The following PCSK5 variants were observed in gnomAD, a reference collection of about 807,000 sequenced individuals.
PCSK5 encodes prohormone convertase 5.
A neutral mutation model predicts 233.2 loss-of-function variants in PCSK5; 129 were observed. The ratio of observed to expected loss-of-function variants is 0.55; its 90% confidence interval spans 0.48 to 0.64. The LOEUF (loss-of-function observed/expected upper bound fraction) is 0.64, where lower values mean the gene tolerates loss of function less well. Among genes scored for constraint, PCSK5 ranks in the 30% least tolerant of loss-of-function variants. The pLI, the probability that PCSK5 is intolerant of heterozygous loss-of-function variation, is 0.00. For missense variants in PCSK5, 2,076 were observed against 2,430.1 expected (o/e 0.85, Z 3.06); for synonymous variants, 825 against 879.2 (o/e 0.94, Z 1.09).
chr9:76,171,125 C>T (rs1823314354), intron 13 of PCSK5, among the ~76,000 whole-genome samples: 2 of 152,278 alleles, frequency 1.3e-5, no homozygotes, highest in South Asian at 4.1e-4. Context: ...GTCAATAAGG[C>T]AGGATTGATA....
In PCSK5 at chr9:76,026,951, G is replaced by A; in HGVS notation, c.556-10G>A. 6.3e-7 allele frequency: 1 copy of A among 1,599,492 alleles called. No homozygotes were observed. The highest frequency in any genetic ancestry group is 2.2e-5 in the East Asian group (1 of 44,554). Reference sequence around the variant, plus strand: ...TTTCCTTTCCCTTGCTCTCTCCTCTGTGGCCATAGGATGCTCTGGCAAGTT... The same window carrying A: ...TTTCCTTTCCCTTGCTCTCTCCTCTATGGCCATAGGATGCTCTGGCAAGTT... On this transcript the variant is annotated splice_polypyrimidine_tract_variant and intron_variant, in intron 4 of 37. Coordinates refer to ENST00000674117, the MANE Select transcript of PCSK5 (RefSeq NM_001372043.1).
chr9:76,168,866 C>T (rs1013994673), intron 12 of PCSK5, among the ~76,000 whole-genome samples: 4 of 152,194 alleles, frequency 2.6e-5, no homozygotes, highest in African/African-American at 7.2e-5. Context: ...TGCCTCTTTT[C>T]CTCACTCCTC....
chr9:76,068,137 A>T, intron 6 of PCSK5, 94 bp downstream of exon 6: 1 of 836,216 alleles, frequency 1.2e-6, no homozygotes, highest in Non-Finnish European at 2.0e-6. Context: ...AGGTTAAACG[A>T]TTGGGCATAT....
chr9:75,960,571 C>G (rs757096426), intron 2 of PCSK5, among the ~76,000 whole-genome samples: 2 of 152,204 alleles, frequency 1.3e-5, no homozygotes, highest in Non-Finnish European at 2.9e-5. Flanking sequence ...AAATTTAAGA[C>G]GCCAAAGATT....
At chr9:75,962,707 A>G (rs1310598607) in intron 2 of PCSK5, among the ~76,000 whole-genome samples, 2 of 152,204 alleles carry the variant, frequency 1.3e-5, no homozygotes, top group African/African-American at 4.8e-5. Flanking sequence ...TGATGGGCAC[A>G]CATAATTTGG....
At chr9:76,293,811 G>A (rs988957072) in intron 25 of PCSK5, among the ~76,000 whole-genome samples, 4 of 152,152 alleles carry the variant, frequency 2.6e-5, no homozygotes, top group Non-Finnish European at 5.9e-5. Context: ...TATCACTAAG[G>A]GTACAACATG....
intron 10 of PCSK5, among the ~76,000 whole-genome samples, chr9:76,154,819 C>T (rs1823820967): frequency 6.6e-6 from 1 of 151,794 alleles, no homozygotes; most frequent in Non-Finnish European, 1.5e-5. Flanking sequence ...CATAATGATT[C>T]TCATGAACTT....
intron 5 of PCSK5, among the ~76,000 whole-genome samples, chr9:76,064,205 C>T (rs1447567147): frequency 2.1e-3 from 231 of 109,502 alleles, no homozygotes; most frequent in African/African-American, 3.7e-3. Flanking sequence ...ACCTCCCTCC[C>T]GGACGGGGCG....
At chr9:76,036,499 C>T (rs1005338147) in intron 5 of PCSK5, among the ~76,000 whole-genome samples, 47 of 152,170 alleles carry the variant, frequency 3.1e-4, no homozygotes, top group Admixed American at 1.2e-3. Context: ...ATGTCTGTGA[C>T]GTTGGAGAAG....
intron 14 of PCSK5, among the ~76,000 whole-genome samples, chr9:76,177,264 A>G (rs1823654409): frequency 6.6e-6 from 1 of 152,176 alleles, no homozygotes; most frequent in African/African-American, 2.4e-5. Context: ...ACTTCACTCC[A>G]GCCTGGGAAC....
intron 3 of PCSK5, among the ~76,000 whole-genome samples, chr9:75,993,734 G>A (rs1231469116): frequency 6.6e-6 from 1 of 152,200 alleles, no homozygotes; most frequent in Non-Finnish European, 1.5e-5. Flanking sequence ...ATGGGGCGAA[G>A]TCTGGAGGAA....
At chr9:76,069,567 A>G (rs1340667500) in intron 6 of PCSK5, among the ~76,000 whole-genome samples, 3 of 152,282 alleles carry the variant, frequency 2.0e-5, no homozygotes, top group South Asian at 2.1e-4. Flanking sequence ...TTGGAGTTAA[A>G]TGAGGAAAAA....
chr9:76,285,354 C>A (rs1828030957), intron 24 of PCSK5, among the ~76,000 whole-genome samples: 1 of 152,152 alleles, frequency 6.6e-6, no homozygotes, highest in Non-Finnish European at 1.5e-5. Context: ...GGAACATTTG[C>A]AGATGTAGCC....
chr9:76,021,051 T>C (rs758641558), intron 3 of PCSK5, among the ~76,000 whole-genome samples: 2 of 152,240 alleles, frequency 1.3e-5, no homozygotes, highest in Non-Finnish European at 2.9e-5. Context: ...ACTATTTTTT[T>C]AATCAATCTT....
intron 5 of PCSK5, among the ~76,000 whole-genome samples, chr9:76,032,499 A>G (rs920148408): frequency 6.6e-6 from 1 of 152,158 alleles, no homozygotes; most frequent in Admixed American, 6.5e-5. Flanking sequence ...GAGTGAAGGA[A>G]ATCACCTCTG....
intron 8 of PCSK5, among the ~76,000 whole-genome samples, chr9:76,101,125 ACTGT>A (rs1394097345): frequency 6.6e-6 from 1 of 151,852 alleles, no homozygotes; most frequent in Non-Finnish European, 1.5e-5. Flanking sequence ...TTTCTTATTT[ACTGT>A]CTGTTTTTCG....
chr9:75,920,379 C>T (rs1052448816), intron 1 of PCSK5, among the ~76,000 whole-genome samples: 1 of 152,128 alleles, frequency 6.6e-6, no homozygotes, highest in East Asian at 1.9e-4. Flanking sequence ...GCCTCAAACT[C>T]CTGGGCTCAA....
At chr9:76,059,810 T>C (rs1829960874) in intron 5 of PCSK5, among the ~76,000 whole-genome samples, 1 of 152,078 alleles carries the variant, frequency 6.6e-6, no homozygotes, top group African/African-American at 2.4e-5. Flanking sequence ...TTTTTTATCC[T>C]ACAGGATAAA....
At chr9:76,116,285 A>G (rs543909140) in intron 9 of PCSK5, among the ~76,000 whole-genome samples, 16 of 152,270 alleles carry the variant, frequency 1.1e-4, no homozygotes, top group African/African-American at 3.8e-4. Flanking sequence ...ACAAAAAGAA[A>G]GACATTGGAT....
Sources: allele counts gnomAD v4.1 joint callset (sites outside exome capture counted in the v4.1 genomes callset), GRCh38; gene constraint gnomAD v4.1.1; transcripts MANE v1.5; gene names NCBI Gene and HGNC (gene_info 2026-07-23, HGNC 2026-07-21).